The following DENND2B variants were observed in gnomAD, a reference collection of about 807,000 sequenced individuals.
DENND2B encodes DENN domain containing 2B.
In DENND2B, 32 loss-of-function variants were observed where a neutral mutation model predicts 116.0. That is an observed-to-expected ratio of 0.28 (90% CI 0.21 to 0.37). The LOEUF is 0.37. Among genes scored for constraint, DENND2B ranks in the 10% least tolerant of loss-of-function variants. DENND2B has a pLI of 1.00. For missense variants in DENND2B, 1,276 were observed against 1,477.7 expected, an observed-to-expected ratio of 0.86 and a Z score of 2.24; for synonymous variants, 588 against 583.9, an observed-to-expected ratio of 1.01 and a Z score of -0.10.
intron 1 of DENND2B, among the ~76,000 whole-genome samples, chr11:8,886,677 A>G (rs544384934): frequency 6.6e-5 from 10 of 151,998 alleles, no homozygotes; most frequent in African/African-American, 1.9e-4. Flanking sequence ...GATTTATGAC[A>G]ATTAAATCAG....
intron 3 of DENND2B, among the ~76,000 whole-genome samples, chr11:8,847,456 A>T (rs763059302): frequency 2.0e-5 from 3 of 152,244 alleles, no homozygotes; most frequent in Non-Finnish European, 2.9e-5. Context: ...ATTTCTCACA[A>T]ATCTCAGTAA....
At chr11:8,881,119 A>T (rs1450045611) in intron 1 of DENND2B, 2 of 152,046 alleles carry the variant, frequency 1.3e-5, no homozygotes, top group Admixed American at 6.6e-5. Flanking sequence ...GCTGCAGAGG[A>T]GGTAAATTTT....
rs1405379069 is a variant in DENND2B, at chr11:8,782,736, A to G, written c.-26+27781T>C. On this transcript the variant is annotated intron_variant, in intron 1 of 19. Coordinates refer to ENST00000313726, the MANE Select transcript of DENND2B (RefSeq NM_213618.2). ...CCCATGTCTACTAAAAATACAAAAAAATTAGGCGGGCGTGGGGGTGGGTGC... is the reference window on the plus strand; with the variant it reads ...CCCATGTCTACTAAAAATACAAAAAGATTAGGCGGGCGTGGGGGTGGGTGC... Among the ~76,000 whole-genome samples, 4 of 151,972 alleles carry G rather than the reference A, an allele frequency of 2.6e-5. No homozygotes were observed. In the East Asian group the frequency reaches 7.8e-4, roughly 30 times the overall value.
chr11:8,760,662 T>C (rs977798161), intron 1 of DENND2B, among the ~76,000 whole-genome samples: 1 of 152,086 alleles, frequency 6.6e-6, no homozygotes, highest in African/African-American at 2.4e-5. Context: ...CAGGAAGGAT[T>C]TTCTCAAGAC....
At chr11:8,842,813 G>A (rs78612906) in intron 3 of DENND2B, among the ~76,000 whole-genome samples, 3,056 of 152,198 alleles carry the variant, frequency 0.02, 37 homozygotes, top group Middle Eastern at 0.034. Context: ...AGTGTCACAC[G>A]TGCTACCTTT....
chr11:8,693,924 A>G lies in DENND2B; in HGVS notation c.*172T>C, dbSNP rs1338325737. On this transcript the variant is annotated 3_prime_UTR_variant, in exon 20 of 20. Transcript: ENST00000313726. ...AAAAACAGTTAAGAAAGCTTACAGC[A>G]GATTATTTACAAACAGTATCCTGGG... 1 of 601,816 alleles carries G rather than the reference A, an allele frequency of 1.7e-6. No homozygotes were observed. The highest frequency in any genetic ancestry group is 1.9e-5 in the African/African-American group (1 of 53,588). 37.3% of individuals were successfully genotyped at this position (601,816 alleles called of 1,614,324 possible). A position where few individuals can be genotyped will look rare whatever the true frequency, so the allele number is the denominator to read the frequency against.
In DENND2B at chr11:8,901,229, C is replaced by CTTT. The variant is rs1555223231; in HGVS notation, c.-256+9589_-256+9591dup. Among the ~76,000 whole-genome samples, 804 of 83,960 alleles carry CTTT rather than the reference C, an allele frequency of 9.6e-3. 8 individuals carry two copies. The highest frequency in any genetic ancestry group is 0.014 in the Non-Finnish European group (640 of 45,268). The allele number at this position is 83,960 out of a possible 152,430, so 55.1% of individuals were successfully genotyped here. ...CTTTTTCTTTCTTTTCTTTTCTTTT[C>CTTT]TTTTTTTTTTTTTTTTTTGAGATGG... On this transcript the variant is annotated intron_variant, in intron 1 of 22. Coordinates refer to the DENND2B transcript ENST00000534127.
At chr11:8,742,699 G>A (rs2050429687) in intron 2 of DENND2B, among the ~76,000 whole-genome samples, 1 of 152,226 alleles carries the variant, frequency 6.6e-6, no homozygotes, top group Non-Finnish European at 1.5e-5. Context: ...AATCACAAAT[G>A]AGAAAGGGCT....
rs2047927655 is a variant in DENND2B, at chr11:8,730,420, C to T, written c.870G>A (p.Gln290=). 6.2e-7 allele frequency: 1 copy of T among 1,608,618 alleles called. No individual in the cohort carries two copies. Among genetic ancestry groups the T allele is most frequent in the Non-Finnish European group, 8.5e-7 (1 of 1,179,982 alleles). ...AVLSRIQKIE[Q]VLKEQPGRGL... ...CCCGGCCCGGCTGCTCCTTCAGGAC[C>T]TGTTCAATTTTCTGGATCCGGCTCA... The change falls in exon 3 of 20, where the codon CAG becomes CAA. Residue 290 remains glutamine (Q), a synonymous_variant. Transcript: ENST00000313726. This position sits in a 1 kb window ranked among gnomAD's most constrained non-coding sequence, Gnocchi z 4.1.
At chr11:8,882,127 C>A (rs2063910110) in intron 1 of DENND2B, among the ~76,000 whole-genome samples, 1 of 152,122 alleles carries the variant, frequency 6.6e-6, no homozygotes. Flanking sequence ...CTTTTAATTT[C>A]TAGACCTGAA....
upstream of DENND2B, among the ~76,000 whole-genome samples, chr11:8,872,502 A>AT (rs71059190): frequency 1.7e-3 from 263 of 151,448 alleles, 2 homozygotes; most frequent in South Asian, 4.0e-3. Context: ...AAAAAAAAAA[A>AT]GAAAAAAAAA....
At chr11:8,739,161 T>C (rs1592977568) in intron 2 of DENND2B, among the ~76,000 whole-genome samples, 2 of 152,268 alleles carry the variant, frequency 1.3e-5, no homozygotes, top group Admixed American at 6.5e-5. Flanking sequence ...CTTGTATGCC[T>C]GCTCACAACA....
chr11:8,839,151 T>G (rs1255394595), intron 4 of DENND2B, among the ~76,000 whole-genome samples: 1 of 152,198 alleles, frequency 6.6e-6, no homozygotes, highest in Non-Finnish European at 1.5e-5. Flanking sequence ...CACAGGAATC[T>G]ATGAGAATGA....
intron 1 of DENND2B, among the ~76,000 whole-genome samples, chr11:8,757,383 C>A (rs1399474130): frequency 6.6e-6 from 1 of 152,208 alleles, no homozygotes; most frequent in African/African-American, 2.4e-5. Context: ...TTCACTGACC[C>A]TATGTGAGGC....
chr11:8,782,695 G>A (rs374511612), intron 1 of DENND2B, among the ~76,000 whole-genome samples: 9 of 152,068 alleles, frequency 5.9e-5, no homozygotes, highest in African/African-American at 1.7e-4. Context: ...GATCATCCTG[G>A]CTAACACGGT....
intron 1 of DENND2B, among the ~76,000 whole-genome samples, chr11:8,792,594 G>A (rs1036322486): frequency 6.6e-6 from 1 of 152,078 alleles, no homozygotes; most frequent in South Asian, 2.1e-4. Context: ...ATAAAATAGT[G>A]ACCAAAGAGA....
intron 1 of DENND2B, chr11:8,776,420 C>T: frequency 5.4e-6 from 2 of 367,744 alleles, no homozygotes; most frequent in Non-Finnish European, 1.1e-5. Context: ...AAGACACTAG[C>T]CCAGTCACTG....
chr11:8,776,101 CAG>C (rs1411427442), intron 1 of DENND2B: 1 of 420,548 alleles, frequency 2.4e-6, no homozygotes, highest in Non-Finnish European at 4.8e-6. Context: ...CCTGCCCACA[CAG>C]AGATACACAG....
Position 8,730,203 on chromosome 11 carries a change from C to T in DENND2B, c.1087G>A (p.Gly363Arg). ...EREGSGSTKP[G>R]TPGNSPSSQR... is the part of the protein sequence containing the mutation. ...GAGCTAGGGCTATTTCCAGGGGTCC[C>T]GGGCTTAGTGGAACCACTGCCTTCC... The change falls in exon 3 of 20, where the codon GGG becomes AGG. Residue 363 changes from glycine to arginine, a missense_variant. By Grantham distance (125) the Gly-to-Arg change is moderately radical. Transcript: ENST00000313726. This position sits in a 1 kb window ranked among gnomAD's most constrained non-coding sequence, Gnocchi z 4.1. The T allele has an allele frequency of 1.2e-6, 2 of 1,613,526 alleles. No homozygotes were observed. The highest frequency in any genetic ancestry group is 1.7e-6 in the Non-Finnish European group (2 of 1,179,638).
Sources: gnomAD v4.1 joint callset for allele counts (sites outside exome capture counted in the v4.1 genomes callset) on GRCh38, gnomAD v4.1.1 for gene constraint, Gnocchi (gnomAD v3.1) non-coding constraint, MANE v1.5 for transcripts, NCBI Gene and HGNC (gene_info 2026-07-23, HGNC 2026-07-21) for gene names.